Variants in RRM2 observed in about 807,000 individuals in gnomAD.
RRM2 encodes ribonucleoside-diphosphate reductase subunit M2.
RRM2 carries 6 observed loss-of-function variants against 45.9 expected under a neutral mutation model. The ratio of observed to expected loss-of-function variants is 0.13; its 90% CI spans 0.07 to 0.26. The LOEUF (loss-of-function observed/expected upper bound fraction) is 0.26, where lower values mean the gene tolerates loss of function less well. RRM2 is among the 10% of genes least tolerant of loss of function. The pLI is 1.00. For missense variants in RRM2, 343 were observed against 489.5 expected, an observed-to-expected ratio of 0.70 and a Z score of 2.82; for synonymous variants, 177 against 173.0, an observed-to-expected ratio of 1.02 and a Z score of -0.18.
At chr2:10,210,290 C>T in intron 3 of RRM2, 1 of 1,358,196 alleles carries the variant, frequency 7.4e-7, no homozygotes, top group Non-Finnish European at 9.8e-7. Flanking sequence ...GTTACCAAAT[C>T]TTTCTTTCCT....
chr2:10,133,454 T>C (rs1439165300), downstream of RRM2, among the ~76,000 whole-genome samples: 1 of 152,212 alleles, frequency 6.6e-6, no homozygotes, highest in Non-Finnish European at 1.5e-5. Context: ...GCTAACTGGC[T>C]GTATTTTGAG....
At chr2:10,207,770 C>T (rs1214856975) in intron 3 of RRM2, among the ~76,000 whole-genome samples, 1 of 152,016 alleles carries the variant, frequency 6.6e-6, no homozygotes, top group East Asian at 1.9e-4. Flanking sequence ...TGCCATGGTC[C>T]CCTCATCTGT....
In RRM2 at chr2:10,144,118, G is replaced by A. The variant is rs568156223; in HGVS notation, n.482+1743G>A. On this transcript the variant is annotated intron_variant and non_coding_transcript_variant, in intron 3 of 3. Transcript: ENST00000381786. The stretch of plus-strand genomic sequence containing the variant: ...CTCTCCTGTAACCCAAGGGGGTAGC[G>A]GAAGGATGGAGCTTCAGGCCTTGAG... Among the ~76,000 whole-genome samples the A allele has an allele frequency of 3.9e-5, 6 of 152,324 alleles. No homozygotes were observed. The South Asian group carries it at 1.2e-3, about 32-fold the overall frequency.
intron 3 of RRM2, among the ~76,000 whole-genome samples, chr2:10,143,152 C>T (rs1462958644): frequency 6.6e-6 from 1 of 152,240 alleles, no homozygotes; most frequent in African/African-American, 2.4e-5. Context: ...GGATTACAGG[C>T]GTGAGCCACC....
chr2:10,125,240 T>A (rs1338441766), intron 5 of RRM2, among the ~76,000 whole-genome samples: 1 of 152,152 alleles, frequency 6.6e-6, no homozygotes, highest in South Asian at 2.1e-4. Flanking sequence ...CAGTATAGTA[T>A]AGGCAAATAA....
chr2:10,168,042 T>TG lies in RRM2; in HGVS notation n.482+25667_482+25668insG, dbSNP rs1182682249. 4.8e-4 allele frequency among the ~76,000 whole-genome samples: 72 copies of TG among 151,504 alleles called. 1 individual carries two copies. Among genetic ancestry groups the TG allele is most frequent in the African/African-American group, 1.6e-3 (66 of 41,380 alleles). ...AAAAGACAAAGGCTTTTCTGTTTTTTTTTTTTTTTTGCCTTAAGCAAAAAT... is the reference window on the plus strand; with the variant it reads ...AAAAGACAAAGGCTTTTCTGTTTTTTGTTTTTTTTTTGCCTTAAGCAAAAAT... On this transcript the variant is annotated intron_variant and non_coding_transcript_variant, in intron 3 of 3. Transcript: ENST00000381786.
upstream of RRM2, among the ~76,000 whole-genome samples, chr2:10,137,968 G>A (rs1034444386): frequency 1.3e-5 from 2 of 152,102 alleles, no homozygotes; most frequent in Admixed American, 1.3e-4. Context: ...TGCAGGGGCC[G>A]CTGCAGCAAA....
Position 10,127,445 on chromosome 2 carries a change from C to T in RRM2, c.798+225C>T. 2 of 481,066 alleles carry T rather than the reference C, an allele frequency of 4.2e-6. No individual in the cohort carries two copies. Among genetic ancestry groups the T allele is most frequent in the East Asian group, 6.8e-5 (2 of 29,550 alleles). 29.8% of individuals were successfully genotyped at this position (481,066 alleles called of 1,614,324 possible). ...TAATACATTTGTACATATGTATTCC[C>T]CTATAGGCTTTGAATGCATAAAACT... On this transcript the variant is annotated intron_variant, in intron 7 of 9. Transcript: ENST00000304567. The surrounding 1 kb of genome is among the most constrained non-coding windows in gnomAD (Gnocchi z 4.1).
upstream of RRM2, among the ~76,000 whole-genome samples, chr2:10,137,379 T>A (rs1160465863): frequency 6.6e-6 from 1 of 152,228 alleles, no homozygotes; most frequent in Non-Finnish European, 1.5e-5. Flanking sequence ...GTGAGTCATA[T>A]GGAAGGGTTT....
chr2:10,196,925 C>T (rs978574143), intron 3 of RRM2, among the ~76,000 whole-genome samples: 2 of 152,222 alleles, frequency 1.3e-5, no homozygotes, highest in South Asian at 2.1e-4. Flanking sequence ...CCACACTCCT[C>T]AGCAGCACCT....
chr2:10,153,112 A>G (rs1663350154), intron 3 of RRM2, among the ~76,000 whole-genome samples: 1 of 152,050 alleles, frequency 6.6e-6, no homozygotes, highest in Non-Finnish European at 1.5e-5. Context: ...TAGGTGAATC[A>G]CTTGAGGTCA....
Position 10,209,057 on chromosome 2 carries a change from C to CTTTCTTTCTTTCTTTCTT in RRM2, n.483-1251_483-1250insCTTTCTTTCTTTCTTTTT, listed in dbSNP as rs1048061514. 6.8e-5 allele frequency among the ~76,000 whole-genome samples: 7 copies of CTTTCTTTCTTTCTTTCTT among 102,480 alleles called. No homozygotes were observed. The South Asian group carries it at 1.8e-3, about 27-fold the overall frequency. The allele number at this position is 102,480 out of a possible 152,430, so 67.2% of individuals were successfully genotyped here. On this transcript the variant is annotated intron_variant and non_coding_transcript_variant, in intron 3 of 3. Coordinates refer to the RRM2 transcript ENST00000381786. ...TCTTTCTTTCTTTCTTTCTTTCTTT[C>CTTTCTTTCTTTCTTTCTT]TTTTTTTTTTTTTTTTGAGATGAAG...
intron 3 of RRM2, among the ~76,000 whole-genome samples, chr2:10,174,963 A>ACTTTCTATT (rs1431449039): frequency 5.9e-5 from 9 of 152,338 alleles, no homozygotes; most frequent in African/African-American, 2.2e-4. Flanking sequence ...GATAGGGAAA[A>ACTTTCTATT]TAGAAAGAAG....
intron 3 of RRM2, among the ~76,000 whole-genome samples, chr2:10,177,663 T>TTTCC (rs138844800): frequency 0.087 from 12,268 of 141,038 alleles, 682 homozygotes; most frequent in East Asian, 0.25. Context: ...CTTCTTTCCT[T>TTTCC]TTCCTTCCTT....
Position 10,123,754 on chromosome 2 carries a change from A to G in RRM2, c.337A>G (p.Ile113Val), listed in dbSNP as rs140269701. 2.2e-5 allele frequency: 35 copies of G among 1,607,764 alleles called. No homozygotes were observed. The highest frequency in any genetic ancestry group is 9.4e-5 in the African/African-American group (7 of 74,770). ...TAEEVDLSKD[I>V]QHWESLKPEE... Reference sequence around the variant, plus strand: ...ACCTCAGGTGGACCTCTCCAAGGACATTCAGCACTGGGAATCCCTGAAACC... The same window carrying G: ...ACCTCAGGTGGACCTCTCCAAGGACGTTCAGCACTGGGAATCCCTGAAACC... Residue 113 changes from isoleucine to valine, a missense_variant, in exon 4 of 10, where the codon ATT becomes GTT. By Grantham distance (29) the Ile-to-Val change is conservative. Coordinates refer to ENST00000304567, the MANE Select transcript of RRM2 (RefSeq NM_001034.4).
chr2:10,170,044 G>A (rs1399549441), intron 3 of RRM2, among the ~76,000 whole-genome samples: 1 of 152,204 alleles, frequency 6.6e-6, no homozygotes, highest in African/African-American at 2.4e-5. Flanking sequence ...AAGGCAGCAT[G>A]GGAGGCCCCC....
intron 3 of RRM2, chr2:10,210,179 C>A: frequency 2.2e-6 from 1 of 453,636 alleles, no homozygotes. Context: ...GGACTCCCAC[C>A]TCCTTGTGGG....
chr2:10,173,964 C>T (rs184872078), intron 3 of RRM2, among the ~76,000 whole-genome samples: 81 of 152,324 alleles, frequency 5.3e-4, no homozygotes, highest in African/African-American at 1.8e-3. Flanking sequence ...ACTGTGGAGG[C>T]ACCATTGATT....
chr2:10,125,373 G>T (rs1662756717), intron 5 of RRM2, among the ~76,000 whole-genome samples: 1 of 152,176 alleles, frequency 6.6e-6, no homozygotes, highest in African/African-American at 2.4e-5. Context: ...TGGAGGTGGG[G>T]GGATTAGAAA....
Sources: gnomAD v4.1 joint callset for allele counts (sites outside exome capture counted in the v4.1 genomes callset) on GRCh38, gnomAD v4.1.1 for gene constraint, Gnocchi (gnomAD v3.1) non-coding constraint, MANE v1.5 for transcripts, NCBI Gene and HGNC (gene_info 2026-07-23, HGNC 2026-07-21) for gene names.